The following HTR2A variants were observed in gnomAD, a reference collection of about 807,000 sequenced individuals.
The protein encoded by HTR2A is 5-hydroxytryptamine receptor 2A.
Under a neutral mutation model 31.0 loss-of-function variants are expected in HTR2A, and 14 were observed. The ratio of observed to expected loss-of-function variants is 0.45; its 90% CI spans 0.30 to 0.71. HTR2A has a LOEUF of 0.71. Among genes scored for constraint, HTR2A ranks in the 30% least tolerant of loss-of-function variants. HTR2A has a pLI of 0.09. For missense variants in HTR2A, 442 were observed against 573.3 expected (o/e 0.77, Z 2.34); for synonymous variants, 209 against 225.2 (o/e 0.93, Z 0.64).
chr13:46,897,491 C>T (rs576020233), upstream of HTR2A, among the ~76,000 whole-genome samples: 4 of 152,298 alleles, frequency 2.6e-5, no homozygotes, highest in South Asian at 2.1e-4. Flanking sequence ...CACCATTGAA[C>T]TGGCTTATTT....
At chr13:46,869,332 G>C (rs573412819) in intron 3 of HTR2A, among the ~76,000 whole-genome samples, 2 of 152,136 alleles carry the variant, frequency 1.3e-5, no homozygotes, top group Non-Finnish European at 2.9e-5. Context: ...CATATGAAAT[G>C]ATCAACGTCA....
At position 46,831,624 on chromosome 13, in the gene HTR2A, T is replaced by G. The variant is rs1032485327; in HGVS notation, c.*3213A>C. The G allele has an allele frequency of 5.3e-5, 8 of 152,242 alleles. No individual in the cohort carries two copies. The highest frequency in any genetic ancestry group is 3.9e-4 in the Admixed American group (6 of 15,282). The allele number at this position is 152,242 out of a possible 1,614,324, so 9.4% of individuals were successfully genotyped here. On this transcript the variant is annotated 3_prime_UTR_variant, in exon 4 of 4. Coordinates refer to ENST00000542664, the MANE Select transcript of HTR2A (RefSeq NM_000621.5). Reference sequence around the variant, plus strand: ...TAGCATCGCCTTGATTAAAATAAGTTCATAAAATAATCTTCACTGTATTTG... The same window carrying G: ...TAGCATCGCCTTGATTAAAATAAGTGCATAAAATAATCTTCACTGTATTTG...
chr13:46,842,463 T>C (rs901057784), intron 3 of HTR2A, among the ~76,000 whole-genome samples: 13 of 152,264 alleles, frequency 8.5e-5, no homozygotes, highest in Middle Eastern at 3.4e-3. Context: ...GAAACAGCCA[T>C]GGTGTCTGGA....
chr13:46,883,354 T>C (rs1357791400), intron 3 of HTR2A, among the ~76,000 whole-genome samples: 2 of 151,620 alleles, frequency 1.3e-5, no homozygotes, highest in East Asian at 3.9e-4. Flanking sequence ...ATTACAAAAG[T>C]AATAATGCAG....
At chr13:46,897,308 A>G (rs1951112479), upstream of HTR2A, among the ~76,000 whole-genome samples, 1 of 152,220 alleles carries the variant, frequency 6.6e-6, no homozygotes, top group Non-Finnish European at 1.5e-5. Flanking sequence ...AAATAAGGCT[A>G]GAAAACAGTA....
intron 3 of HTR2A, among the ~76,000 whole-genome samples, chr13:46,841,029 C>T (rs1287704105): frequency 2.6e-5 from 4 of 152,204 alleles, no homozygotes; most frequent in East Asian, 1.9e-4. Context: ...AGAGTTCTCA[C>T]GAGATCTGAT....
Position 46,859,347 on chromosome 13 carries a change from C to T in HTR2A, c.614-23708G>A, listed in dbSNP as rs146877740. Among the ~76,000 whole-genome samples, 408 of 152,272 alleles carry T rather than the reference C, an allele frequency of 2.7e-3. 1 individual carries two copies. Among genetic ancestry groups the T allele is most frequent in the African/African-American group, 9.4e-3 (392 of 41,550 alleles). ...TCCTGTTATTACTATCATGGCTCTA[C>T]GTCCTGTCATCCATGCCATTTCATC... is the stretch of plus-strand genomic sequence containing the variant. On this transcript the variant is annotated intron_variant, in intron 3 of 3. Transcript: ENST00000542664.
chr13:46,837,089 T>A (rs1314332514), intron 3 of HTR2A, among the ~76,000 whole-genome samples: 1 of 152,144 alleles, frequency 6.6e-6, no homozygotes, highest in Non-Finnish European at 1.5e-5. Context: ...TAAGGCTCCC[T>A]CAGGTACAGG....
intron 3 of HTR2A, among the ~76,000 whole-genome samples, chr13:46,881,372 A>T (rs534168317): frequency 1.3e-5 from 2 of 152,304 alleles, no homozygotes; most frequent in Admixed American, 1.3e-4. Context: ...ACTTTCTCTC[A>T]ACATGGCTAT....
chr13:46,853,205 C>T (rs1383149001), intron 3 of HTR2A, among the ~76,000 whole-genome samples: 3 of 152,082 alleles, frequency 2.0e-5, no homozygotes, highest in Non-Finnish European at 4.4e-5. Context: ...ACAGCCTGTG[C>T]GCCTCCTGGT....
chr13:46,853,291 C>A (rs1950702764), intron 3 of HTR2A, among the ~76,000 whole-genome samples: 1 of 152,126 alleles, frequency 6.6e-6, no homozygotes, highest in African/African-American at 2.4e-5. Context: ...GCTCCCAGAT[C>A]CTCCATCTGT....
At chr13:46,847,587 T>C (rs1950652374) in intron 3 of HTR2A, among the ~76,000 whole-genome samples, 1 of 152,202 alleles carries the variant, frequency 6.6e-6, no homozygotes, top group African/African-American at 2.4e-5. Context: ...TTTTTCATTA[T>C]TCAATTAGCT....
Position 46,871,094 on chromosome 13 carries a change from G to A in HTR2A, c.613+21296C>T, listed in dbSNP as rs76992543. ...ACATTACCATGTAATATAGACACGT[G>A]CCTGCATGAGCTTGGTGCTGGAAGA... On this transcript the variant is annotated intron_variant, in intron 3 of 3. Transcript: ENST00000542664. 5.1e-3 allele frequency among the ~76,000 whole-genome samples: 779 copies of A among 152,230 alleles called. 7 individuals are homozygous for A. The highest frequency in any genetic ancestry group is 0.018 in the African/African-American group (747 of 41,520).
intron 3 of HTR2A, among the ~76,000 whole-genome samples, chr13:46,888,827 T>C (rs1951029272): frequency 6.6e-6 from 1 of 152,228 alleles, no homozygotes. Context: ...TAATAATTTG[T>C]TTTAGACTCT....
chr13:46,848,482 G>A (rs1950659939), intron 3 of HTR2A, among the ~76,000 whole-genome samples: 1 of 152,124 alleles, frequency 6.6e-6, no homozygotes. Context: ...AGTTTAATAG[G>A]TAAAAAGTGG....
At chr13:46,869,274 A>G (rs1950845578) in intron 3 of HTR2A, among the ~76,000 whole-genome samples, 1 of 152,162 alleles carries the variant, frequency 6.6e-6, no homozygotes, top group Non-Finnish European at 1.5e-5. Context: ...TGGGCAAAGA[A>G]TTTGAATAGG....
intron 3 of HTR2A, among the ~76,000 whole-genome samples, chr13:46,892,095 C>T (rs1328684): frequency 0.66 from 100,793 of 152,128 alleles, 33,699 homozygotes; most frequent in East Asian, 0.93. Context: ...GAATTAGAGT[C>T]GTGGACTTGA....
At chr13:46,872,299 A>G (rs952229019) in intron 3 of HTR2A, among the ~76,000 whole-genome samples, 3 of 151,926 alleles carry the variant, frequency 2.0e-5, no homozygotes, top group African/African-American at 7.2e-5. Context: ...TTGAGAGGTT[A>G]TAAAATCTAG....
intron 3 of HTR2A, among the ~76,000 whole-genome samples, chr13:46,849,424 C>T (rs558619465): frequency 1.4e-4 from 21 of 152,296 alleles, no homozygotes; most frequent in African/African-American, 4.3e-4. Flanking sequence ...CCCTCAGAGA[C>T]CCCGCACTGC....
Sources: gnomAD v4.1 joint callset for allele counts (sites outside exome capture counted in the v4.1 genomes callset) on GRCh38, gnomAD v4.1.1 for gene constraint, MANE v1.5 for transcripts, NCBI Gene and HGNC (gene_info 2026-07-23, HGNC 2026-07-21) for gene names.